The following DOCK5 variants were observed in gnomAD, a reference collection of about 807,000 sequenced individuals.
DOCK5 encodes dedicator of cytokinesis protein 5.
Under a neutral mutation model 251.8 loss-of-function variants are expected in DOCK5, and 142 were observed. The observed-to-expected ratio is 0.56, with a 90% CI of 0.49 to 0.65. The LOEUF is 0.65. Ranked by LOEUF, DOCK5 falls within the 30% of genes least tolerant of loss-of-function variation. The probability of loss-of-function intolerance (pLI) is 0.00; values close to 1 mark genes in which losing one functional copy is unlikely to be tolerated. For synonymous variants in DOCK5, 842 were observed against 835.5 expected, an observed-to-expected ratio of 1.01 and a Z score of -0.13; for missense variants, 2,111 against 2,312.3, an observed-to-expected ratio of 0.91 and a Z score of 1.79.
intron 41 of DOCK5, among the ~76,000 whole-genome samples, chr8:25,389,555 T>TC (rs1196667741): frequency 6.6e-6 from 1 of 152,214 alleles, no homozygotes; most frequent in African/African-American, 2.4e-5. Context: ...AGTATCTCTG[T>TC]CCTGGTGGGT....
intron 13 of DOCK5, among the ~76,000 whole-genome samples, chr8:25,315,388 G>C (rs1013160002): frequency 7.2e-5 from 11 of 152,138 alleles, no homozygotes; most frequent in African/African-American, 2.6e-4. Flanking sequence ...TGCTAATGGT[G>C]GGTTTACTTG....
At chr8:25,228,505 G>C (rs1802587575) in intron 1 of DOCK5, among the ~76,000 whole-genome samples, 1 of 152,206 alleles carries the variant, frequency 6.6e-6, no homozygotes, top group Admixed American at 6.5e-5. Context: ...CACAATGGCA[G>C]CTCTGGTTCT....
At chr8:25,234,963 T>G (rs974347960) in intron 1 of DOCK5, among the ~76,000 whole-genome samples, 1 of 152,172 alleles carries the variant, frequency 6.6e-6, no homozygotes, top group Non-Finnish European at 1.5e-5. Flanking sequence ...GAGGGGTTAG[T>G]GTCCATCTTT....
At chr8:25,346,836 A>C (rs868205882) in intron 26 of DOCK5, among the ~76,000 whole-genome samples, 2,159 of 150,832 alleles carry the variant, frequency 0.014, 52 homozygotes, top group African/African-American at 0.051. Flanking sequence ...AAAAAAAAAA[A>C]AAGAAAACAT....
rs142080227 is a variant in DOCK5, at chr8:25,406,827, C to T, written c.5094-1156C>T. Among the ~76,000 whole-genome samples, 418 of 152,006 alleles carry T rather than the reference C, an allele frequency of 2.7e-3. 2 individuals carry two copies. The highest frequency in any genetic ancestry group is 0.027 in the South Asian group (131 of 4,812). ...ATTCTTAGTAGAGACGAGGTTTCAC[C>T]GTATTGGCCAGGCTGGTCTCTAACT... On this transcript the variant is annotated intron_variant, in intron 48 of 51. Coordinates refer to ENST00000276440, the MANE Select transcript of DOCK5 (RefSeq NM_024940.8).
intron 1 of DOCK5, among the ~76,000 whole-genome samples, chr8:25,200,456 A>C (rs974022865): frequency 2.0e-5 from 3 of 152,254 alleles, no homozygotes; most frequent in Non-Finnish European, 2.9e-5. Flanking sequence ...GCAGTGATAG[A>C]TAAAGTGTTG....
intron 2 of DOCK5, among the ~76,000 whole-genome samples, chr8:25,267,583 A>G (rs749413504): frequency 3.9e-5 from 6 of 152,210 alleles, no homozygotes; most frequent in Admixed American, 6.5e-5. Flanking sequence ...CTCACTGTGT[A>G]TATATGGCTA....
chr8:25,232,377 A>G (rs554211948), intron 1 of DOCK5, among the ~76,000 whole-genome samples: 5 of 152,338 alleles, frequency 3.3e-5, no homozygotes, highest in Admixed American at 2.0e-4. Context: ...CAGGACCAAC[A>G]CAGCCTTTAT....
rs574216126 is a variant in DOCK5 at position 25,321,924 on chromosome 8, A to G, written c.1615+872A>G. 1.2e-4 allele frequency among the ~76,000 whole-genome samples: 19 copies of G among 152,320 alleles called. No individual in the cohort carries two copies. The East Asian group carries it at 3.5e-3, about 28-fold the overall frequency. On this transcript the variant is annotated intron_variant, in intron 16 of 51. Transcript: ENST00000276440. ...GTGTTGCCATGTTGCAGTAGCAAGA[A>G]AACTCTTTATTCACTTGTCTCCCCA...
At chr8:25,310,845 G>A (rs572748031) in intron 13 of DOCK5, among the ~76,000 whole-genome samples, 2 of 151,988 alleles carry the variant, frequency 1.3e-5, no homozygotes, top group South Asian at 2.1e-4. Flanking sequence ...ACTGATATAC[G>A]GTGTGCAAGC....
chr8:25,388,944 C>G, intron 40 of DOCK5, 147 bp from the exon 41 acceptor site: 1 of 695,022 alleles, frequency 1.4e-6, no homozygotes. Context: ...TGGTCGCTGT[C>G]AGGCAAGGAC....
intron 48 of DOCK5, among the ~76,000 whole-genome samples, chr8:25,403,965 A>C (rs1801482200): frequency 6.6e-6 from 1 of 151,132 alleles, no homozygotes; most frequent in African/African-American, 2.4e-5. Context: ...TATTTTTTTC[A>C]TCATTTCCAT....
rs1214689959 is a variant in DOCK5 at position 25,302,197 on chromosome 8, G to A, written c.847-128G>A. Reference sequence around the variant, plus strand: ...GATGGAGATGGGGGAGAAGAGAGTCGTTCTAATACTTCAGCATTGAGAAAT... The same window carrying A: ...GATGGAGATGGGGGAGAAGAGAGTCATTCTAATACTTCAGCATTGAGAAAT... On this transcript the variant is annotated intron_variant, in intron 9 of 51. Transcript: ENST00000276440. 8.4e-6 allele frequency: 11 copies of A among 1,307,490 alleles called. No homozygotes were observed. The South Asian group carries it at 9.1e-5, about 11-fold the overall frequency. The allele number at this position is 1,307,490 out of a possible 1,614,324, so 81.0% of individuals were successfully genotyped here. A position where few individuals can be genotyped will look rare whatever the true frequency, so the allele number is the denominator to read the frequency against.
Position 25,376,237 on chromosome 8 carries a change from CA to C in DOCK5, c.3817-1067del, listed in dbSNP as rs1458343934. On this transcript the variant is annotated intron_variant, in intron 37 of 51. Transcript: ENST00000276440. ...TGTAGGTCTTTTCATTTGGGAAACT[CA>C]GGAAGGTAAACTCTCCTATCCTGGT... 3.0e-6 allele frequency: 3 copies of C among 985,172 alleles called. No individual in the cohort carries two copies. In the African/African-American group the frequency reaches 5.2e-5, roughly 17 times the overall value. 61.0% of individuals were successfully genotyped at this position (985,172 alleles called of 1,614,324 possible). A position where few individuals can be genotyped will look rare whatever the true frequency, so the allele number is the denominator to read the frequency against.
chr8:25,259,439 TTTAA>T (rs1276846993), intron 2 of DOCK5, among the ~76,000 whole-genome samples: 2 of 152,152 alleles, frequency 1.3e-5, no homozygotes, highest in African/African-American at 4.8e-5. Flanking sequence ...GTTTTCTTTC[TTTAA>T]TTAATTTATT....
Position 25,323,873 on chromosome 8 carries a change from T to TG in DOCK5, c.1645dup (p.Val549GlyfsTer25). 1 of 1,613,524 alleles carries TG rather than the reference T, an allele frequency of 6.2e-7. No homozygotes were observed. The highest frequency in any genetic ancestry group is 8.5e-7 in the Non-Finnish European group (1 of 1,179,726). On this transcript the variant is annotated frameshift_variant, in exon 17 of 52. Transcript: ENST00000276440. LOFTEE classifies it high-confidence loss of function. ...CCAGAGATAAATCGGAGCGAGCATTTGGGGTGGCCTTCGTGAAGCTGATGA... is the reference window on the plus strand; with the variant it reads ...CCAGAGATAAATCGGAGCGAGCATTTGGGGGTGGCCTTCGTGAAGCTGATGA...
intron 16 of DOCK5, among the ~76,000 whole-genome samples, chr8:25,321,965 C>T (rs969858225): frequency 6.6e-6 from 1 of 152,158 alleles, no homozygotes; most frequent in African/African-American, 2.4e-5. Flanking sequence ...TCATTTTTCT[C>T]ATGAAAAAAC....
chr8:25,298,521 G>A (rs551717310), intron 7 of DOCK5, among the ~76,000 whole-genome samples: 1 of 152,196 alleles, frequency 6.6e-6, no homozygotes, highest in African/African-American at 2.4e-5. Context: ...CACTGCATTT[G>A]TCCACTTACA....
intron 1 of DOCK5, among the ~76,000 whole-genome samples, chr8:25,212,161 A>AC (rs1802129447): frequency 0.017 from 2 of 116 alleles, 1 homozygote; most frequent in Admixed American, 0.25. Context: ...ACTCCGTCTC[A>AC]AAAAAAAAAA....
Sources: gnomAD v4.1 joint callset for allele counts (sites outside exome capture counted in the v4.1 genomes callset) on GRCh38, gnomAD v4.1.1 for gene constraint, MANE v1.5 for transcripts, NCBI Gene and HGNC (gene_info 2026-07-23, HGNC 2026-07-21) for gene names.